Variants in LNPK observed in about 807,000 individuals in gnomAD.
The protein encoded by LNPK is endoplasmic reticulum junction formation protein lunapark.
In LNPK, 29 loss-of-function variants were observed where a neutral mutation model predicts 55.2. The ratio of observed to expected loss-of-function variants is 0.53; its 90% CI spans 0.39 to 0.72. LNPK has a LOEUF of 0.72. LNPK is among the 30% of genes least tolerant of loss of function. LNPK has a pLI of 0.00. For synonymous variants in LNPK, 162 were observed against 168.2 expected, an observed-to-expected ratio of 0.96 and a Z score of 0.29; for missense variants, 467 against 494.8, an observed-to-expected ratio of 0.94 and a Z score of 0.53.
At position 175,994,180 on chromosome 2, in the gene LNPK, T is replaced by C. The variant is rs1687829465; in HGVS notation, c.28-957A>G. ...AAGAGGGTAATGAATATCAGTTCAT[T>C]GTAGTTTCCATAAGAGTTGTTAACA... On this transcript the variant is annotated intron_variant, in intron 2 of 12. Transcript: ENST00000272748. 3.1e-6 allele frequency: 3 copies of C among 981,886 alleles called. No individual in the cohort carries two copies. The South Asian group carries it at 1.4e-4, about 46-fold the overall frequency. The allele number at this position is 981,886 out of a possible 1,614,324, so 60.8% of individuals were successfully genotyped here. A position where few individuals can be genotyped will look rare whatever the true frequency, so the allele number is the denominator to read the frequency against.
rs1412144216 is a variant in LNPK, at chr2:175,928,135, C to T, written c.*1832G>A. On this transcript the variant is annotated 3_prime_UTR_variant, in exon 13 of 13. Transcript: ENST00000272748. The stretch of plus-strand genomic sequence containing the variant: ...CTTAATCTATGTATTTATATACATA[C>T]ATACAATATAGAAAAGTTGATGCAA... The T allele has an allele frequency of 6.6e-6, 1 of 152,060 alleles. No individual in the cohort carries two copies. The highest frequency in any genetic ancestry group is 1.9e-4 in the East Asian group (1 of 5,194). 9.4% of individuals were successfully genotyped at this position (152,060 alleles called of 1,614,324 possible).
chr2:175,971,784 C>T (rs1686675184), intron 5 of LNPK, among the ~76,000 whole-genome samples: 1 of 152,124 alleles, frequency 6.6e-6, no homozygotes, highest in Non-Finnish European at 1.5e-5. Context: ...CTAACATCTT[C>T]AAAGAGAATA....
intron 4 of LNPK, among the ~76,000 whole-genome samples, chr2:175,981,918 G>C (rs1327890911): frequency 6.6e-6 from 1 of 152,008 alleles, no homozygotes; most frequent in African/African-American, 2.4e-5. Context: ...CTAAGTTTTG[G>C]GGCAATCTGT....
chr2:175,951,607 A>ATATCTATATATATATATATC (rs1553501590), intron 8 of LNPK, among the ~76,000 whole-genome samples: 11 of 121,710 alleles, frequency 9.0e-5, no homozygotes, highest in African/African-American at 3.2e-4. Context: ...ATATATATAT[A>ATATCTATATATATATATATC]TATCTCAGTT....
chr2:175,980,832 A>G (rs1217297035), intron 4 of LNPK, among the ~76,000 whole-genome samples: 2 of 150,880 alleles, frequency 1.3e-5, no homozygotes, highest in Admixed American at 1.3e-4. Flanking sequence ...ACTTGAACCC[A>G]GGAGGCAGAG....
chr2:175,975,517 C>T (rs1187065158), intron 5 of LNPK, among the ~76,000 whole-genome samples: 2 of 152,142 alleles, frequency 1.3e-5, no homozygotes, highest in African/African-American at 4.8e-5. Context: ...GATGTTTTGA[C>T]ATAGGCATAC....
At chr2:175,939,136 TTAAGAA>T (rs1255041877) in intron 10 of LNPK, among the ~76,000 whole-genome samples, 1 of 152,098 alleles carries the variant, frequency 6.6e-6, no homozygotes, top group African/African-American at 2.4e-5. Context: ...TAGAGTTATT[TTAAGAA>T]TAATTGGAAA....
chr2:175,973,028 G>A (rs1453076125), intron 5 of LNPK, among the ~76,000 whole-genome samples: 1 of 152,092 alleles, frequency 6.6e-6, no homozygotes, highest in Non-Finnish European at 1.5e-5. Context: ...CCTGCTTCTT[G>A]TTTCCATTTT....
At chr2:175,948,801 C>T (rs750967782) in intron 8 of LNPK, among the ~76,000 whole-genome samples, 9 of 152,152 alleles carry the variant, frequency 5.9e-5, no homozygotes, top group Non-Finnish European at 8.8e-5. Flanking sequence ...ATTGAAAGTA[C>T]AGCTCTAGCA....
chr2:175,935,362 G>A (rs1684491698), intron 12 of LNPK, among the ~76,000 whole-genome samples: 1 of 152,118 alleles, frequency 6.6e-6, no homozygotes, highest in Admixed American at 6.5e-5. Flanking sequence ...TGATTGAGAT[G>A]ATGTGGTCTT....
chr2:175,988,581 T>C (rs1355218623), intron 4 of LNPK, among the ~76,000 whole-genome samples: 1 of 151,934 alleles, frequency 6.6e-6, no homozygotes, highest in African/African-American at 2.4e-5. Context: ...ATAACTATGT[T>C]GACTTCTTTG....
intron 12 of LNPK, among the ~76,000 whole-genome samples, chr2:175,937,042 GA>G (rs750083828): frequency 8.5e-5 from 13 of 152,062 alleles, no homozygotes; most frequent in Non-Finnish European, 1.5e-4. Flanking sequence ...CAGATAAATT[GA>G]AAAACTTAAC....
chr2:175,995,519 A>G (rs1460778561), intron 2 of LNPK, 39 bp downstream of exon 2: 16 of 1,533,540 alleles, frequency 1.0e-5, no homozygotes, highest in Non-Finnish European at 1.3e-5. Flanking sequence ...ACACTTTTAT[A>G]TTAGACTCAA....
intron 8 of LNPK, among the ~76,000 whole-genome samples, chr2:175,960,666 A>G (rs954705167): frequency 6.6e-6 from 1 of 152,222 alleles, no homozygotes; most frequent in Non-Finnish European, 1.5e-5. Flanking sequence ...AAGCAAGAGC[A>G]AACACATTCA....
At chr2:175,970,847 T>C in intron 5 of LNPK, 43 bp from the exon 6 acceptor site, 8 of 1,372,068 alleles carry the variant, frequency 5.8e-6, no homozygotes, top group Non-Finnish European at 7.8e-6. Context: ...TATTTAGATA[T>C]AAGAAAAAAT....
At chr2:175,947,433 C>A in intron 9 of LNPK, 47 bp downstream of exon 9, 1 of 1,516,996 alleles carries the variant, frequency 6.6e-7, no homozygotes, top group Non-Finnish European at 9.1e-7. Flanking sequence ...TATTGGTAAC[C>A]AGAGAAAACA....
At chr2:175,974,357 G>T (rs1212821991) in intron 5 of LNPK, among the ~76,000 whole-genome samples, 1 of 152,094 alleles carries the variant, frequency 6.6e-6, no homozygotes, top group African/African-American at 2.4e-5. Flanking sequence ...CTTAAAAAAT[G>T]CTGTAAAGTT....
chr2:175,934,010 G>A (rs1684419281), intron 12 of LNPK, among the ~76,000 whole-genome samples: 1 of 152,176 alleles, frequency 6.6e-6, no homozygotes, highest in Non-Finnish European at 1.5e-5. Flanking sequence ...TTACAGGCGT[G>A]AGCCACCGTG....
At chr2:175,964,687 C>A in intron 6 of LNPK, 98 bp from the exon 7 acceptor site, 1 of 682,048 alleles carries the variant, frequency 1.5e-6, no homozygotes. Context: ...CTTAATATAT[C>A]CAAATAGAAT....
Sources: allele counts gnomAD v4.1 joint callset (sites outside exome capture counted in the v4.1 genomes callset), GRCh38; gene constraint gnomAD v4.1.1; transcripts MANE v1.5; gene names NCBI Gene and HGNC (gene_info 2026-07-23, HGNC 2026-07-21).